EFCAB11: variants seen among roughly 807,000 people sequenced by gnomAD.
EFCAB11 encodes EF-hand calcium-binding domain-containing protein 11.
In EFCAB11, 14 loss-of-function variants were observed where a neutral mutation model predicts 23.0. The observed-to-expected ratio is 0.61, with a 90% CI of 0.40 to 0.95. The LOEUF is 0.95. EFCAB11 is among the 40% of genes least tolerant of loss of function. EFCAB11 has a pLI of 0.00. For missense variants in EFCAB11, 198 were observed against 195.8 expected (o/e 1.01, Z -0.07); for synonymous variants, 65 against 66.6 (o/e 0.98, Z 0.11).
At chr14:89,860,644 A>C (rs1171853580) in intron 5 of EFCAB11, among the ~76,000 whole-genome samples, 1 of 152,260 alleles carries the variant, frequency 6.6e-6, no homozygotes, top group Non-Finnish European at 1.5e-5. Flanking sequence ...TTAGTTTTGG[A>C]ATCTGAATCA....
At chr14:89,843,691 A>G (rs1887343017) in intron 5 of EFCAB11, among the ~76,000 whole-genome samples, 1 of 152,244 alleles carries the variant, frequency 6.6e-6, no homozygotes, top group Non-Finnish European at 1.5e-5. Context: ...GGGGCATCTT[A>G]TACTTGCAAT....
At chr14:89,845,541 A>T (rs529249394) in intron 5 of EFCAB11, among the ~76,000 whole-genome samples, 5 of 152,194 alleles carry the variant, frequency 3.3e-5, no homozygotes, top group Non-Finnish European at 7.3e-5. Flanking sequence ...TGACGTGTCT[A>T]TGTGAAACAA....
chr14:89,946,065 T>C (rs1314093700), intron 3 of EFCAB11, among the ~76,000 whole-genome samples: 1 of 151,966 alleles, frequency 6.6e-6, no homozygotes, highest in Non-Finnish European at 1.5e-5. Context: ...ATTACAGGCA[T>C]GCACCACCAT....
intron 5 of EFCAB11, among the ~76,000 whole-genome samples, chr14:89,813,658 C>A (rs1406538105): frequency 6.6e-6 from 1 of 151,558 alleles, no homozygotes; most frequent in Admixed American, 6.6e-5. Flanking sequence ...CACCTTCTAC[C>A]CTCCACCCGC....
At chr14:89,866,222 G>C (rs1888087809) in intron 5 of EFCAB11, among the ~76,000 whole-genome samples, 1 of 152,160 alleles carries the variant, frequency 6.6e-6, no homozygotes, top group African/African-American at 2.4e-5. Flanking sequence ...TTTTGGGCAG[G>C]GGCCCTTCTG....
intron 5 of EFCAB11, among the ~76,000 whole-genome samples, chr14:89,863,996 TCTTC>T (rs1888009095): frequency 6.6e-6 from 1 of 152,252 alleles, no homozygotes; most frequent in Non-Finnish European, 1.5e-5. Context: ...ATTTGCATCT[TCTTC>T]CACTTCTCTC....
chr14:89,826,321 G>A lies in EFCAB11; in HGVS notation c.411-28997C>T, dbSNP rs552948297. Among the ~76,000 whole-genome samples, 9 of 152,172 alleles carry A rather than the reference G, an allele frequency of 5.9e-5. No individual in the cohort carries two copies. The South Asian group carries it at 1.5e-3, about 25-fold the overall frequency. On this transcript the variant is annotated intron_variant, in intron 5 of 5. Transcript: ENST00000316738. Reference sequence around the variant, plus strand: ...AGGGAATATGAAATATGAAGGATGGGTAACAGTCATACATGCCAAGGGAAA... The same window carrying A: ...AGGGAATATGAAATATGAAGGATGGATAACAGTCATACATGCCAAGGGAAA...
At chr14:89,927,629 G>C (rs1224383993) in intron 5 of EFCAB11, among the ~76,000 whole-genome samples, 1 of 152,078 alleles carries the variant, frequency 6.6e-6, no homozygotes, top group Non-Finnish European at 1.5e-5. Flanking sequence ...AAGGATATGT[G>C]TGATATGTTA....
At chr14:89,800,207 A>G (rs1885729351) in intron 5 of EFCAB11, among the ~76,000 whole-genome samples, 1 of 151,728 alleles carries the variant, frequency 6.6e-6, no homozygotes, top group Admixed American at 6.6e-5. Context: ...AAACAAACAA[A>G]CAAACAAACA....
chr14:89,921,884 T>C (rs1472459944), intron 5 of EFCAB11, among the ~76,000 whole-genome samples: 1 of 152,228 alleles, frequency 6.6e-6, no homozygotes, highest in African/African-American at 2.4e-5. Context: ...TAAATACAGA[T>C]TTCTCTTATT....
intron 3 of EFCAB11, among the ~76,000 whole-genome samples, chr14:89,937,366 G>A (rs192526827): frequency 5.7e-4 from 86 of 152,196 alleles, no homozygotes; most frequent in African/African-American, 1.7e-3. Context: ...GTCCCCAAAG[G>A]ATCTAGGATT....
At chr14:89,873,007 T>C (rs1888329706) in intron 5 of EFCAB11, among the ~76,000 whole-genome samples, 1 of 152,222 alleles carries the variant, frequency 6.6e-6, no homozygotes, top group Non-Finnish European at 1.5e-5. Flanking sequence ...AATTTTGCTG[T>C]TGTTTAAGCC....
At chr14:89,890,147 C>T (rs1255282542) in intron 5 of EFCAB11, among the ~76,000 whole-genome samples, 2 of 152,076 alleles carry the variant, frequency 1.3e-5, no homozygotes, top group Non-Finnish European at 1.5e-5. Flanking sequence ...AGATATAATA[C>T]CTTGATAAAA....
intron 5 of EFCAB11, among the ~76,000 whole-genome samples, chr14:89,898,609 C>T (rs1277037608): frequency 2.6e-5 from 4 of 151,630 alleles, no homozygotes; most frequent in African/African-American, 4.8e-5. Flanking sequence ...AAGTGATCCA[C>T]CCACCTTGGC....
chr14:89,849,898 G>A (rs1051572555), intron 5 of EFCAB11, among the ~76,000 whole-genome samples: 2 of 152,056 alleles, frequency 1.3e-5, no homozygotes, highest in African/African-American at 4.8e-5. Context: ...TAAATTCTAC[G>A]CTATCATTAA....
intron 5 of EFCAB11, among the ~76,000 whole-genome samples, chr14:89,819,800 AT>A (rs1450940768): frequency 6.6e-6 from 1 of 152,216 alleles, no homozygotes; most frequent in Non-Finnish European, 1.5e-5. Context: ...TTTCATGTGT[AT>A]ACATACCAAA....
intron 5 of EFCAB11, among the ~76,000 whole-genome samples, chr14:89,890,222 A>G (rs894966253): frequency 6.6e-6 from 1 of 152,214 alleles, no homozygotes; most frequent in African/African-American, 2.4e-5. Context: ...AGCTTCAATG[A>G]CATGATCACT....
At chr14:89,906,093 T>C (rs749816648) in intron 5 of EFCAB11, among the ~76,000 whole-genome samples, 8 of 151,736 alleles carry the variant, frequency 5.3e-5, no homozygotes, top group Non-Finnish European at 1.0e-4. Flanking sequence ...AAAATAGAAA[T>C]AGTAATACTG....
intron 5 of EFCAB11, among the ~76,000 whole-genome samples, chr14:89,842,008 G>A (rs1247413879): frequency 5.3e-5 from 8 of 152,066 alleles, no homozygotes; most frequent in Non-Finnish European, 1.0e-4. Flanking sequence ...AACCTGCGCC[G>A]CCTGTGTTCC....
Sources: gnomAD v4.1 joint callset for allele counts (sites outside exome capture counted in the v4.1 genomes callset) on GRCh38, gnomAD v4.1.1 for gene constraint, MANE v1.5 for transcripts, NCBI Gene and HGNC (gene_info 2026-07-23, HGNC 2026-07-21) for gene names.